Variants in SKIL observed in about 807,000 individuals in gnomAD.
SKIL encodes the protein SKI like proto-oncogene.
Under a neutral mutation model 69.6 loss-of-function variants are expected in SKIL, and 20 were observed. That is an observed-to-expected ratio of 0.29 (90% confidence interval 0.20 to 0.42). The LOEUF is 0.42. SKIL is among the 10% of genes least tolerant of loss of function. The probability of loss-of-function intolerance (pLI) is 1.00; values close to 1 mark genes in which losing one functional copy is unlikely to be tolerated. For missense variants in SKIL, 745 were observed against 783.1 expected (o/e 0.95, Z 0.58); for synonymous variants, 310 against 279.9 (o/e 1.11, Z -1.08).
At position 170,360,166 on chromosome 3, in the gene SKIL, C is replaced by A; in HGVS notation, c.-166C>A. ...AAATTATACCAGATTATAAGGAGAACCAAAACTAAGTCGCAAAATTTATTA... is the reference window on the plus strand; with the variant it reads ...AAATTATACCAGATTATAAGGAGAAACAAAACTAAGTCGCAAAATTTATTA... On this transcript the variant is annotated 5_prime_UTR_variant, in exon 2 of 7. Coordinates refer to ENST00000259119, the MANE Select transcript of SKIL (RefSeq NM_005414.5). 1.6e-6 allele frequency: 1 copy of A among 622,550 alleles called. No individual in the cohort carries two copies. 38.6% of individuals were successfully genotyped at this position (622,550 alleles called of 1,614,324 possible).
Position 170,360,474 on chromosome 3 carries a change from C to T in SKIL, c.143C>T (p.Thr48Ile), listed in dbSNP as rs1464177536. ...ANGKTINKVPTVKKEHLDDYG... is the reference protein window; with the variant it reads ...ANGKTINKVPIVKKEHLDDYG... Reference sequence around the variant, plus strand: ...GGAAAAACGATAAACAAGGTGCCAACAGTTAAGAAGGAACACTTGGATGAC... The same window carrying T: ...GGAAAAACGATAAACAAGGTGCCAATAGTTAAGAAGGAACACTTGGATGAC... Residue 48 changes from threonine to isoleucine, a missense_variant, in exon 2 of 7, where the codon ACA becomes ATA. By Grantham distance (89) the Thr-to-Ile change is moderately conservative. Transcript: ENST00000259119. 3.1e-6 allele frequency: 5 copies of T among 1,613,966 alleles called. No individual in the cohort carries two copies. In the African/African-American group the frequency reaches 4.0e-5, roughly 13 times the overall value.
Position 170,365,752 on chromosome 3 carries a change from C to CTTTTTTTTTTTTTTTTTT in SKIL, c.1098+4327_1098+4344dup, listed in dbSNP as rs59222162. Among the ~76,000 whole-genome samples the CTTTTTTTTTTTTTTTTTT allele has an allele frequency of 8.3e-4, 88 of 106,436 alleles. 7 individuals carry two copies. The highest frequency in any genetic ancestry group is 2.7e-3 in the African/African-American group (69 of 25,204). 69.8% of individuals were successfully genotyped at this position (106,436 alleles called of 152,430 possible). A position where few individuals can be genotyped will look rare whatever the true frequency, so the allele number is the denominator to read the frequency against. Reference sequence around the variant, plus strand: ...GCTCATTTTAAAAAGTCAAACTAGGCTTTTTTTTTTTTTTTTTTTTTGAGA... The same window carrying CTTTTTTTTTTTTTTTTTT: ...GCTCATTTTAAAAAGTCAAACTAGGCTTTTTTTTTTTTTTTTTTTTTTTTTTTTTTTTTTTTTTTGAGA... On this transcript the variant is annotated intron_variant, in intron 2 of 6. Coordinates refer to ENST00000259119, the MANE Select transcript of SKIL (RefSeq NM_005414.5).
intron 4 of SKIL, among the ~76,000 whole-genome samples, chr3:170,385,954 C>T (rs542769819): frequency 6.6e-6 from 1 of 150,596 alleles, no homozygotes; most frequent in South Asian, 2.1e-4. Context: ...CACCACACCC[C>T]GCTAATTTTG....
rs759247112 is a variant in SKIL, at chr3:170,392,429, G to T, written c.*12G>T. 19 of 1,585,752 alleles carry T rather than the reference G, an allele frequency of 1.2e-5. No homozygotes were observed. The South Asian group carries it at 2.2e-4, about 18-fold the overall frequency. ...CTGCTAAAGAATAGAAACTGTTAAA[G>T]AGATTCATCTGTGTATTACTGACAA... On this transcript the variant is annotated 3_prime_UTR_variant, in exon 7 of 7. Transcript: ENST00000259119.
rs1238502602 is a variant in SKIL, at chr3:170,395,890, T to C, written c.*3473T>C. 3 of 148,630 alleles carry C rather than the reference T, an allele frequency of 2.0e-5. No homozygotes were observed. The highest frequency in any genetic ancestry group is 4.5e-5 in the Non-Finnish European group (3 of 67,218). The allele number at this position is 148,630 out of a possible 1,614,324, so 9.2% of individuals were successfully genotyped here. The stretch of plus-strand genomic sequence containing the variant: ...TAAGGGACATAAAACTGCTGTATTA[T>C]ACATTGTGGAATTGAATAAACAGCC... On this transcript the variant is annotated 3_prime_UTR_variant, in exon 7 of 7. Coordinates refer to ENST00000259119, the MANE Select transcript of SKIL (RefSeq NM_005414.5).
At chr3:170,374,444 A>C (rs1262294809) in intron 2 of SKIL, among the ~76,000 whole-genome samples, 1 of 152,222 alleles carries the variant, frequency 6.6e-6, no homozygotes, top group African/African-American at 2.4e-5. Flanking sequence ...GGCAAGTTAT[A>C]TAATGTATTG....
rs6775881 is a variant in SKIL, at chr3:170,364,773, A to G, written c.1098+3344A>G. On this transcript the variant is annotated intron_variant, in intron 2 of 6. Coordinates refer to ENST00000259119, the MANE Select transcript of SKIL (RefSeq NM_005414.5). ...ATGGATTAATTTACTTAACTGAAAC[A>G]ATGTGCTGAGGTTTGGTTAACACTG... Among the ~76,000 whole-genome samples the G allele has an allele frequency of 2.8e-3, 432 of 152,306 alleles. 6 individuals carry two copies. The highest frequency in any genetic ancestry group is 9.8e-3 in the African/African-American group (408 of 41,570).
At chr3:170,368,372 GC>G (rs1255255527) in intron 2 of SKIL, among the ~76,000 whole-genome samples, 2 of 152,090 alleles carry the variant, frequency 1.3e-5, no homozygotes, top group African/African-American at 4.8e-5. Flanking sequence ...CGAGTTCAAA[GC>G]CTGGCATGTC....
Position 170,373,649 on chromosome 3 carries a change from G to A in SKIL, c.1099-7595G>A, listed in dbSNP as rs114793875. On this transcript the variant is annotated intron_variant, in intron 2 of 6. Coordinates refer to ENST00000259119, the MANE Select transcript of SKIL (RefSeq NM_005414.5). ...TGATGCTGTAATTAAAAATTAGAGT[G>A]CCACCTAAAAGCAAGATTTAGTATT... 8.3e-4 allele frequency among the ~76,000 whole-genome samples: 126 copies of A among 152,242 alleles called. 1 individual carries two copies. Among genetic ancestry groups the A allele is most frequent in the African/African-American group, 2.9e-3 (122 of 41,532 alleles).
At chr3:170,361,510 C>T in intron 2 of SKIL, 81 bp downstream of exon 2, 1 of 1,073,040 alleles carries the variant, frequency 9.3e-7, no homozygotes, top group Non-Finnish European at 1.4e-6. Context: ...GTAACTTAAC[C>T]TGTATGTTGA....
intron 3 of SKIL, 51 bp from the exon 4 acceptor site, chr3:170,384,482 C>G (rs1737517638): frequency 2.5e-6 from 2 of 806,106 alleles, no homozygotes; most frequent in African/African-American, 3.5e-5. Context: ...TTGATTTTTA[C>G]TTAATTGTAA....
At chr3:170,374,667 A>C (rs1736949174) in intron 2 of SKIL, among the ~76,000 whole-genome samples, 1 of 152,178 alleles carries the variant, frequency 6.6e-6, no homozygotes, top group Non-Finnish European at 1.5e-5. Context: ...CATGCCTCTG[A>C]ATGTTTTGTT....
chr3:170,379,242 T>C, intron 2 of SKIL, among the ~76,000 whole-genome samples: 1 of 152,072 alleles, frequency 6.6e-6, no homozygotes. Flanking sequence ...CCTCCCAAAA[T>C]GCTAGGATTA....
chr3:170,378,731 C>T (rs1035490606), intron 2 of SKIL, among the ~76,000 whole-genome samples: 7 of 151,354 alleles, frequency 4.6e-5, no homozygotes, highest in East Asian at 3.9e-4. Context: ...TTTGTAGAAA[C>T]GGCGTTTCTC....
Position 170,370,233 on chromosome 3 carries a change from C to T in SKIL, c.1098+8804C>T, listed in dbSNP as rs112672169. ...CAGCCTGGGAGACAGAGTGAGACTC[C>T]GTCTCAAAAAAATAAAATAAAATAA... On this transcript the variant is annotated intron_variant, in intron 2 of 6. Transcript: ENST00000259119. 4.7e-3 allele frequency among the ~76,000 whole-genome samples: 715 copies of T among 151,566 alleles called. 7 individuals are homozygous for T. The highest frequency in any genetic ancestry group is 0.016 in the African/African-American group (666 of 41,326).
chr3:170,370,400 A>G (rs1305886065), intron 2 of SKIL, among the ~76,000 whole-genome samples: 1 of 144,748 alleles, frequency 6.9e-6, no homozygotes, highest in Non-Finnish European at 1.5e-5. Context: ...ATTTCTATAT[A>G]TACATATATA....
chr3:170,366,528 A>G (rs1004105966), intron 2 of SKIL, among the ~76,000 whole-genome samples: 3 of 151,984 alleles, frequency 2.0e-5, no homozygotes, highest in African/African-American at 7.3e-5. Context: ...GAAAATACAA[A>G]AGTTAGCAGG....
At position 170,361,192 on chromosome 3, in the gene SKIL, G is replaced by A. The variant is rs1326295291; in HGVS notation, c.861G>A (p.Pro287=). 4 of 1,614,170 alleles carry A rather than the reference G, an allele frequency of 2.5e-6. No homozygotes were observed. Among genetic ancestry groups the A allele is most frequent in the Admixed American group, 1.7e-5 (1 of 60,008 alleles). Residue 287 remains proline (P), a synonymous_variant, in exon 2 of 7, where the codon CCG becomes CCA. Transcript: ENST00000259119. The part of the protein sequence containing the change: ...APQFYVQPDA[P]CIQCLECCGM... Reference sequence around the variant, plus strand: ...AGTTTTATGTTCAGCCTGATGCTCCGTGTATTCAATGTCTGGAGTGTTGTG... The same window carrying A: ...AGTTTTATGTTCAGCCTGATGCTCCATGTATTCAATGTCTGGAGTGTTGTG...
At chr3:170,375,411 A>ACT (rs1736985383) in intron 2 of SKIL, among the ~76,000 whole-genome samples, 1 of 152,134 alleles carries the variant, frequency 6.6e-6, no homozygotes, top group African/African-American at 2.4e-5. Context: ...TATAAATCAA[A>ACT]CTGTAGGGTT....
Sources: allele counts gnomAD v4.1 joint callset (sites outside exome capture counted in the v4.1 genomes callset), GRCh38; gene constraint gnomAD v4.1.1; transcripts MANE v1.5; gene names NCBI Gene and HGNC (gene_info 2026-07-23, HGNC 2026-07-21).